Variants in TTC7B observed in about 807,000 individuals in gnomAD.
TTC7B encodes tetratricopeptide repeat domain 7B.
In TTC7B, 28 loss-of-function variants were observed where a neutral mutation model predicts 106.8. That is an observed-to-expected ratio of 0.26 (90% CI 0.19 to 0.36). The LOEUF (loss-of-function observed/expected upper bound fraction) is 0.36. Among genes scored for constraint, TTC7B ranks in the 10% least tolerant of loss-of-function variants. The pLI, the probability that TTC7B is intolerant of heterozygous loss-of-function variation, is 1.00. For missense variants in TTC7B, 862 were observed against 1,076.4 expected (o/e 0.80, Z 2.79); for synonymous variants, 405 against 430.6 (o/e 0.94, Z 0.74).
chr14:90,756,346 A>C (rs1890292647), intron 3 of TTC7B, among the ~76,000 whole-genome samples: 1 of 151,538 alleles, frequency 6.6e-6, no homozygotes, highest in Non-Finnish European at 1.5e-5. Flanking sequence ...CTAGTGGAAG[A>C]GAAAGATGTT....
chr14:90,676,473 G>T, intron 9 of TTC7B, 50 bp downstream of exon 9: 1 of 1,600,242 alleles, frequency 6.2e-7, no homozygotes, highest in African/African-American at 1.3e-5. Flanking sequence ...TGGGGTCACC[G>T]TGCAACTGCC....
At chr14:90,646,510 C>G (rs534125888) in intron 14 of TTC7B, among the ~76,000 whole-genome samples, 1 of 152,332 alleles carries the variant, frequency 6.6e-6, no homozygotes, top group African/African-American at 2.4e-5. Flanking sequence ...TTGTCTCTGC[C>G]TGCTGGCATC....
chr14:90,801,860 A>G (rs971790668), intron 1 of TTC7B, among the ~76,000 whole-genome samples: 2 of 152,110 alleles, frequency 1.3e-5, no homozygotes, highest in Non-Finnish European at 2.9e-5. Flanking sequence ...CAGGAGTTCG[A>G]GACCAGCCTG....
intron 3 of TTC7B, among the ~76,000 whole-genome samples, chr14:90,765,459 A>G (rs1890644124): frequency 6.6e-6 from 1 of 152,216 alleles, no homozygotes; most frequent in South Asian, 2.1e-4. Flanking sequence ...GTTGAATTGT[A>G]TGGTATATGA....
chr14:90,699,111 C>A (rs1397223926), intron 5 of TTC7B: 2 of 452,984 alleles, frequency 4.4e-6, no homozygotes, highest in Non-Finnish European at 4.4e-6. Flanking sequence ...ATGGCAGCAC[C>A]TTTCCAGGCT....
At position 90,614,289 on chromosome 14, in the gene TTC7B, GAATGAGGACATGCTTTATAAAAAGAA is replaced by G. The variant is rs537685224; in HGVS notation, c.1869-3476_1869-3451del. 1.8e-3 allele frequency among the ~76,000 whole-genome samples: 268 copies of G among 152,310 alleles called. 1 individual carries two copies. The highest frequency in any genetic ancestry group is 0.011 in the East Asian group (58 of 5,194). ...ATTTTATGGAGCTGCTTCAAAGATA[GAATGAGGACATGCTTTATAAAAAGAA>G]AAGCTCCACCCAAATGCTGGTGACT... On this transcript the variant is annotated intron_variant, in intron 16 of 19. Coordinates refer to ENST00000328459, the MANE Select transcript of TTC7B (RefSeq NM_001010854.2).
Position 90,735,654 on chromosome 14 carries a change from T to C in TTC7B, c.577-5458A>G, listed in dbSNP as rs542777885. On this transcript the variant is annotated intron_variant, in intron 4 of 19. Coordinates refer to ENST00000328459, the MANE Select transcript of TTC7B (RefSeq NM_001010854.2). ...TGGGTGGATCGCTTGAGGTCAGGAG[T>C]TCGAGACCAGCCTGGGCAACACAGC... 1.9e-3 allele frequency among the ~76,000 whole-genome samples: 296 copies of C among 152,030 alleles called. 5 individuals carry two copies. Among genetic ancestry groups the C allele is most frequent in the African/African-American group, 6.9e-3 (288 of 41,490 alleles).
intron 18 of TTC7B, among the ~76,000 whole-genome samples, chr14:90,580,706 G>T (rs942534423): frequency 1.3e-5 from 2 of 152,192 alleles, no homozygotes; most frequent in Non-Finnish European, 2.9e-5. Flanking sequence ...CCTCCTTCAG[G>T]GCCCAGATGG....
chr14:90,675,630 T>C (rs1461551543), intron 9 of TTC7B, among the ~76,000 whole-genome samples: 1 of 152,208 alleles, frequency 6.6e-6, no homozygotes, highest in Admixed American at 6.5e-5. Flanking sequence ...CCAAGGTTCC[T>C]GCCTAATGTG....
intron 13 of TTC7B, among the ~76,000 whole-genome samples, chr14:90,647,964 T>TA (rs969932866): frequency 4.0e-5 from 6 of 151,872 alleles, no homozygotes; most frequent in African/African-American, 1.5e-4. Context: ...AAATTCGAGA[T>TA]AAAAAAGAAA....
intron 1 of TTC7B, among the ~76,000 whole-genome samples, chr14:90,804,950 CAT>C (rs1351780262): frequency 4.6e-5 from 7 of 152,188 alleles, no homozygotes; most frequent in Admixed American, 3.3e-4. Flanking sequence ...AAGTGTCCAC[CAT>C]GCAGGTCCAC....
At chr14:90,630,615 T>C (rs538083426) in intron 15 of TTC7B, among the ~76,000 whole-genome samples, 5 of 152,354 alleles carry the variant, frequency 3.3e-5, no homozygotes, top group Admixed American at 3.3e-4. Context: ...GTTGCAAAAC[T>C]GAAACCGCAC....
Position 90,536,049 on chromosome 14 carries a change from G to A in TTC7B, c.*5319C>T, listed in dbSNP as rs1889412112. ...GGCGGGGGCTCCACCCTATGAATCTGGGGGAGCAAAACTGCATCCCCAGCA... is the reference window on the plus strand; with the variant it reads ...GGCGGGGGCTCCACCCTATGAATCTAGGGGAGCAAAACTGCATCCCCAGCA... On this transcript the variant is annotated 3_prime_UTR_variant, in exon 20 of 20. Coordinates refer to ENST00000328459, the MANE Select transcript of TTC7B (RefSeq NM_001010854.2). 1 of 154,048 alleles carries A rather than the reference G, an allele frequency of 6.5e-6. No individual in the cohort carries two copies. The highest frequency in any genetic ancestry group is 6.5e-5 in the Admixed American group (1 of 15,282). 9.5% of individuals were successfully genotyped at this position (154,048 alleles called of 1,614,324 possible). A position where few individuals can be genotyped will look rare whatever the true frequency, so the allele number is the denominator to read the frequency against.
chr14:90,567,251 T>A (rs1028743371), intron 19 of TTC7B, among the ~76,000 whole-genome samples: 35 of 152,208 alleles, frequency 2.3e-4, no homozygotes, highest in African/African-American at 8.4e-4. Context: ...GAAACTTCTC[T>A]GTATCCAAAT....
chr14:90,804,567 T>G (rs1595051184), intron 1 of TTC7B, among the ~76,000 whole-genome samples: 1 of 151,830 alleles, frequency 6.6e-6, no homozygotes, highest in Non-Finnish European at 1.5e-5. Context: ...CGGTTGTGAG[T>G]GCGGTGGAGC....
chr14:90,573,802 T>C (rs1891147188), intron 19 of TTC7B, among the ~76,000 whole-genome samples: 1 of 152,244 alleles, frequency 6.6e-6, no homozygotes, highest in African/African-American at 2.4e-5. Context: ...TCAAAGGGAC[T>C]GGAGGCGGAC....
intron 12 of TTC7B, among the ~76,000 whole-genome samples, chr14:90,654,394 A>G (rs1464037161): frequency 3.3e-5 from 5 of 152,234 alleles, no homozygotes; most frequent in Non-Finnish European, 5.9e-5. Flanking sequence ...TTTTCTGCAA[A>G]TATCACTGAA....
Position 90,757,125 on chromosome 14 carries a change from C to T in TTC7B, c.446-12203G>A, listed in dbSNP as rs942361812. On this transcript the variant is annotated intron_variant, in intron 3 of 19. Transcript: ENST00000328459. The surrounding 1 kb of genome is among the most constrained non-coding windows in gnomAD (Gnocchi z 4.1). ...ATCTCCACCAGGCATGGCCCCACAG[C>T]GCCCCCTCACAACCCCTACTACCAC... 3.9e-5 allele frequency among the ~76,000 whole-genome samples: 6 copies of T among 152,066 alleles called. No homozygotes were observed. The highest frequency in any genetic ancestry group is 1.2e-4 in the African/African-American group (5 of 41,406).
chr14:90,632,554 T>TA (rs1884746857), intron 15 of TTC7B, among the ~76,000 whole-genome samples: 1 of 152,262 alleles, frequency 6.6e-6, no homozygotes, highest in Non-Finnish European at 1.5e-5. Flanking sequence ...ATAAAACTCC[T>TA]GCTCATCTGG....
Sources: gnomAD v4.1 joint callset for allele counts (sites outside exome capture counted in the v4.1 genomes callset) on GRCh38, gnomAD v4.1.1 for gene constraint, Gnocchi (gnomAD v3.1) non-coding constraint, MANE v1.5 for transcripts, NCBI Gene and HGNC (gene_info 2026-07-23, HGNC 2026-07-21) for gene names.